USP54: variants seen among roughly 807,000 people sequenced by gnomAD.
The protein encoded by USP54 is ubiquitin carboxyl-terminal hydrolase 54.
Under a neutral mutation model 170.5 loss-of-function variants are expected in USP54, and 87 were observed. That is an observed-to-expected ratio of 0.51 (90% CI 0.43 to 0.61). The LOEUF (loss-of-function observed/expected upper bound fraction) is 0.61, where lower values mean the gene tolerates loss of function less well. Ranked by LOEUF, USP54 falls within the 20% of genes least tolerant of loss-of-function variation. The pLI, the probability that USP54 is intolerant of heterozygous loss-of-function variation, is 0.00. For missense variants in USP54, 1,786 were observed against 2,047.8 expected (o/e 0.87, Z 2.47); for synonymous variants, 655 against 742.8 (o/e 0.88, Z 1.92).
chr10:73,589,614 C>T (rs1389796206), intron 1 of USP54, among the ~76,000 whole-genome samples: 1 of 152,126 alleles, frequency 6.6e-6, no homozygotes, highest in Non-Finnish European at 1.5e-5. Context: ...TATACCCGTA[C>T]TCAAATTATT....
At chr10:73,596,768 G>A (rs1474275131) in intron 1 of USP54, among the ~76,000 whole-genome samples, 1 of 145,424 alleles carries the variant, frequency 6.9e-6, no homozygotes, top group African/African-American at 2.5e-5. Flanking sequence ...CAGTGTTTAT[G>A]TTCAAGTAAC....
At position 73,613,582 on chromosome 10, in the gene USP54, T is replaced by G. The variant is rs1048996695; in HGVS notation, c.-18+11985A>C. ...GCAAAGACGTGAACAGTTAGAAATA[T>G]GACTATCTTGAAAACCCAAAAGGGC... On this transcript the variant is annotated intron_variant, in intron 1 of 22. Transcript: ENST00000339859. Among the ~76,000 whole-genome samples the G allele has an allele frequency of 4.6e-5, 7 of 151,834 alleles. No homozygotes were observed. In the South Asian group the frequency reaches 1.0e-3, roughly 23 times the overall value.
At chr10:73,585,650 C>T (rs2077393557) in intron 1 of USP54, among the ~76,000 whole-genome samples, 1 of 152,212 alleles carries the variant, frequency 6.6e-6, no homozygotes, top group African/African-American at 2.4e-5. Context: ...GAACAAACAT[C>T]CAAATCATAT....
At chr10:73,615,237 CAACT>C (rs1325785976) in intron 1 of USP54, 1 of 150,172 alleles carries the variant, frequency 6.7e-6, no homozygotes, top group Non-Finnish European at 1.5e-5. Context: ...CCTGTAATCC[CAACT>C]GAGTATACTC....
At chr10:73,588,114 G>A (rs982866260) in intron 1 of USP54, among the ~76,000 whole-genome samples, 4 of 151,660 alleles carry the variant, frequency 2.6e-5, no homozygotes, top group African/African-American at 4.8e-5. Context: ...AAAATTTCAG[G>A]AGATTAAACT....
chr10:73,574,136 T>C lies in USP54; in HGVS notation c.147+1376A>G, dbSNP rs144101172. ...TAGGCCAAGGGGGATGAACTTAACA[T>C]GCTATGGGCGTGACTGGGCAGAGCA... On this transcript the variant is annotated intron_variant, in intron 3 of 23. Coordinates refer to ENST00000687698, the MANE Select transcript of USP54 (RefSeq NM_001391956.1). 4.4e-4 allele frequency among the ~76,000 whole-genome samples: 67 copies of C among 152,280 alleles called. No individual in the cohort carries two copies. The South Asian group carries it at 5.4e-3, about 12-fold the overall frequency.
chr10:73,575,222 C>G (rs953852824), intron 3 of USP54, among the ~76,000 whole-genome samples: 1 of 152,174 alleles, frequency 6.6e-6, no homozygotes, highest in East Asian at 1.9e-4. Flanking sequence ...AAGACTCTGT[C>G]TGAAAGATCA....
At position 73,516,643 on chromosome 10, in the gene USP54, A is replaced by G; in HGVS notation, c.3783T>C (p.Asp1261=). The part of the protein sequence containing the change: ...STDLGTSLPL[D]SWVNITRFCD... The stretch of plus-strand genomic sequence containing the variant: ...AGAACCTTGTGATATTCACCCAGGA[A>G]TCCAAAGGCAAGGAAGTCCCCAAGT... Residue 1261 remains aspartate (D), a synonymous_variant, in exon 20 of 24, where the codon GAT becomes GAC. Transcript: ENST00000687698. 6.2e-7 allele frequency: 1 copy of G among 1,614,204 alleles called. No homozygotes were observed. The highest frequency in any genetic ancestry group is 8.5e-7 in the Non-Finnish European group (1 of 1,180,038).
chr10:73,510,114 A>C (rs1407898148), intron 20 of USP54, among the ~76,000 whole-genome samples: 4 of 152,182 alleles, frequency 2.6e-5, no homozygotes, highest in Non-Finnish European at 5.9e-5. Context: ...AGGCGGGCGG[A>C]TCACGTGGTC....
Position 73,529,565 on chromosome 10 carries a change from T to TA in USP54, c.2060+114dup, listed in dbSNP as rs752899145. 4 of 1,158,200 alleles carry TA rather than the reference T, an allele frequency of 3.5e-6. No individual in the cohort carries two copies. The African/African-American group carries it at 6.0e-5, about 17-fold the overall frequency. The allele number at this position is 1,158,200 out of a possible 1,614,324, so 71.7% of individuals were successfully genotyped here. On this transcript the variant is annotated intron_variant, in intron 15 of 23. Transcript: ENST00000687698. ...TGTTATAGGAAGTTGAAAGAGCACA[T>TA]AGAGATAATAGCAAAGGCCATCCCT...
At chr10:73,601,777 T>C (rs1226234927) in intron 1 of USP54, among the ~76,000 whole-genome samples, 1 of 152,214 alleles carries the variant, frequency 6.6e-6, no homozygotes, top group East Asian at 1.9e-4. Context: ...TATACATGCC[T>C]AGTGCCATGG....
In USP54 at chr10:73,529,595, T is replaced by C. The variant is rs1456701536; in HGVS notation, c.2060+85A>G. 7 of 1,467,352 alleles carry C rather than the reference T, an allele frequency of 4.8e-6. No individual in the cohort carries two copies. The African/African-American group carries it at 6.9e-5, about 15-fold the overall frequency. 90.9% of individuals were successfully genotyped at this position (1,467,352 alleles called of 1,614,324 possible). Reference sequence around the variant, plus strand: ...ATAATAGCAAAGGCCATCCCTCCACTTGTCTCAGCCATGCCTGAAAGCCCC... The same window carrying C: ...ATAATAGCAAAGGCCATCCCTCCACCTGTCTCAGCCATGCCTGAAAGCCCC... On this transcript the variant is annotated intron_variant, in intron 15 of 23. Coordinates refer to ENST00000687698, the MANE Select transcript of USP54 (RefSeq NM_001391956.1).
chr10:73,532,902 T>C (rs902884816), intron 12 of USP54, among the ~76,000 whole-genome samples: 1 of 152,216 alleles, frequency 6.6e-6, no homozygotes, highest in African/African-American at 2.4e-5. Flanking sequence ...CTCATTTAGA[T>C]GCTGAGTCAA....
At chr10:73,583,549 G>T (rs1243773931) in intron 1 of USP54, among the ~76,000 whole-genome samples, 1 of 152,122 alleles carries the variant, frequency 6.6e-6, no homozygotes, top group Non-Finnish European at 1.5e-5. Context: ...GCCTCCCAAA[G>T]TGCTGGGATT....
At position 73,500,903 on chromosome 10, in the gene USP54, G is replaced by A. The variant is rs146601363; in HGVS notation, c.4312-65C>T. 1.1e-4 allele frequency: 165 copies of A among 1,514,280 alleles called. No individual in the cohort carries two copies. In the East Asian group the frequency reaches 3.1e-3, roughly 28 times the overall value. 93.8% of individuals were successfully genotyped at this position (1,514,280 alleles called of 1,614,324 possible). Reference sequence around the variant, plus strand: ...TTAACACAAAGCAGGATGTAGTTGGGTAAACACAGTGAGGCAAGCAAAGGG... The same window carrying A: ...TTAACACAAAGCAGGATGTAGTTGGATAAACACAGTGAGGCAAGCAAAGGG... On this transcript the variant is annotated intron_variant, in intron 22 of 23. Coordinates refer to ENST00000687698, the MANE Select transcript of USP54 (RefSeq NM_001391956.1).
intron 12 of USP54, among the ~76,000 whole-genome samples, chr10:73,533,999 G>C (rs1190639862): frequency 1.3e-5 from 2 of 152,154 alleles, no homozygotes; most frequent in Non-Finnish European, 2.9e-5. Context: ...AAGAGTATAG[G>C]AGAAGAAAAG....
At chr10:73,606,665 T>G (rs1202989963) in intron 1 of USP54, among the ~76,000 whole-genome samples, 2 of 149,326 alleles carry the variant, frequency 1.3e-5, no homozygotes, top group East Asian at 4.1e-4. Flanking sequence ...GATCACAAGG[T>G]CAGGAGATCG....
chr10:73,527,874 C>T lies in USP54; in HGVS notation c.2061-1094G>A, dbSNP rs991827368. Among the ~76,000 whole-genome samples, 6 of 137,322 alleles carry T rather than the reference C, an allele frequency of 4.4e-5. 1 individual carries two copies. The East Asian group carries it at 8.5e-4, about 20-fold the overall frequency. 90.1% of individuals were successfully genotyped at this position (137,322 alleles called of 152,430 possible). Reference sequence around the variant, plus strand: ...AAAAAAAAAAGCAACGACAACAAAACACTGTCCCAAAATAACATTTGGGCT... The same window carrying T: ...AAAAAAAAAAGCAACGACAACAAAATACTGTCCCAAAATAACATTTGGGCT... On this transcript the variant is annotated intron_variant, in intron 15 of 23. Transcript: ENST00000687698.
intron 1 of USP54, among the ~76,000 whole-genome samples, chr10:73,615,680 C>A (rs991799056): frequency 2.0e-5 from 3 of 147,428 alleles, no homozygotes; most frequent in Admixed American, 6.7e-5. Flanking sequence ...CAGCACTCTG[C>A]GAAGCTGAGG....
Sources: allele counts gnomAD v4.1 joint callset (sites outside exome capture counted in the v4.1 genomes callset), GRCh38; gene constraint gnomAD v4.1.1; transcripts MANE v1.5; gene names NCBI Gene and HGNC (gene_info 2026-07-23, HGNC 2026-07-21).